Variants in RABGAP1 observed in about 807,000 individuals in gnomAD.
RABGAP1 encodes the protein rab GTPase-activating protein 1.
A neutral mutation model predicts 137.6 loss-of-function variants in RABGAP1; 23 were observed. The observed-to-expected ratio is 0.17, with a 90% CI of 0.12 to 0.24. RABGAP1 has a LOEUF of 0.24. Ranked by LOEUF, RABGAP1 falls within the 10% of genes least tolerant of loss-of-function variation. The probability of loss-of-function intolerance (pLI) is 1.00; values close to 1 mark genes in which losing one functional copy is unlikely to be tolerated. For synonymous variants in RABGAP1, 451 were observed against 450.7 expected, an observed-to-expected ratio of 1.00 and a Z score of -0.01; for missense variants, 906 against 1,275.8, an observed-to-expected ratio of 0.71 and a Z score of 4.42.
intron 1 of RABGAP1, among the ~76,000 whole-genome samples, chr9:122,950,907 T>C (rs530895339): frequency 6.6e-6 from 1 of 152,124 alleles, no homozygotes; most frequent in African/African-American, 2.4e-5. Context: ...TAAGAAAAGA[T>C]AGTGGTAGGA....
chr9:123,104,074 T>G lies in RABGAP1; in HGVS notation c.*861T>G, dbSNP rs1247497298. The stretch of plus-strand genomic sequence containing the variant: ...AAATTCCAGACTAGGACTGCTGATC[T>G]GCACAATTTAATTATGTGGTTATTC... On this transcript the variant is annotated 3_prime_UTR_variant, in exon 26 of 26. Coordinates refer to ENST00000373647, the MANE Select transcript of RABGAP1 (RefSeq NM_012197.4). 1.3e-5 allele frequency: 2 copies of G among 152,382 alleles called. No homozygotes were observed. The highest frequency in any genetic ancestry group is 4.8e-5 in the African/African-American group (2 of 41,332). 9.4% of individuals were successfully genotyped at this position (152,382 alleles called of 1,614,324 possible). A position where few individuals can be genotyped will look rare whatever the true frequency, so the allele number is the denominator to read the frequency against.
intron 10 of RABGAP1, among the ~76,000 whole-genome samples, chr9:123,003,865 C>T (rs574857289): frequency 6.6e-6 from 1 of 152,236 alleles, no homozygotes; most frequent in Non-Finnish European, 1.5e-5. Context: ...ATTCTTATAA[C>T]TATAGAATAA....
rs1588216454 is a variant in RABGAP1, at chr9:122,986,170, T to C, written c.386-45T>C. 3 of 1,554,462 alleles carry C rather than the reference T, an allele frequency of 1.9e-6. No individual in the cohort carries two copies. In the East Asian group the frequency reaches 6.8e-5, roughly 35 times the overall value. On this transcript the variant is annotated intron_variant, in intron 3 of 25. Transcript: ENST00000373647. ...TTACTTGCTAATCGTATCAACAAAATATCAAAGTGAAAGTAATCACTTCCT... is the reference window on the plus strand; with the variant it reads ...TTACTTGCTAATCGTATCAACAAAACATCAAAGTGAAAGTAATCACTTCCT...
chr9:122,970,074 A>ATTT (rs34261698), intron 2 of RABGAP1, among the ~76,000 whole-genome samples: 5 of 143,464 alleles, frequency 3.5e-5, no homozygotes, highest in Non-Finnish European at 4.5e-5. Flanking sequence ...TATCCGGCTA[A>ATTT]TTTTTTTTTT....
chr9:123,099,819 C>T (rs529098086), intron 24 of RABGAP1, among the ~76,000 whole-genome samples: 4 of 152,266 alleles, frequency 2.6e-5, no homozygotes, highest in Middle Eastern at 3.4e-3. Context: ...AGTCGATGTC[C>T]GCAGTGTGAT....
rs557529947 is a variant in RABGAP1 at position 123,045,191 on chromosome 9, A to G, written c.1795-20157A>G. 3.3e-5 allele frequency among the ~76,000 whole-genome samples: 5 copies of G among 152,364 alleles called. No homozygotes were observed. The South Asian group carries it at 6.2e-4, about 19-fold the overall frequency. On this transcript the variant is annotated intron_variant, in intron 13 of 25. Transcript: ENST00000373647. ...CTTACTGAGTTGAATTGTTAAGGCA[A>G]TATTTTGGGGAGAAAGACAAAAGTT...
intron 13 of RABGAP1, among the ~76,000 whole-genome samples, chr9:123,047,724 G>A (rs572592360): frequency 6.6e-6 from 1 of 151,954 alleles, no homozygotes; most frequent in Admixed American, 6.6e-5. Flanking sequence ...TAAAATAAAG[G>A]TTGAAACCTC....
intron 20 of RABGAP1, 27 bp from the exon 21 acceptor site, chr9:123,090,248 T>C (rs757472326): frequency 6.5e-7 from 1 of 1,548,328 alleles, no homozygotes; most frequent in South Asian, 1.2e-5. Context: ...TTTATGTGTC[T>C]GTAACTGGTT....
rs148659507 is a variant in RABGAP1 at position 122,984,637 on chromosome 9, C to G, written c.303C>G (p.Ser101=). 6.2e-7 allele frequency: 1 copy of G among 1,614,144 alleles called. No individual in the cohort carries two copies. The highest frequency in any genetic ancestry group is 1.1e-5 in the South Asian group (1 of 91,082). ...ATGGGCCTCTTTCTAATCAGCTCTC[C>G]GCTTCATCCACCATTAACCCTGTGC... ...EGDGPLSNQL[S]ASSTINPVPL... is the part of the protein sequence containing the mutation. Residue 101 remains serine, a synonymous_variant, in exon 3 of 26, where the codon TCC becomes TCG. Coordinates refer to ENST00000373647, the MANE Select transcript of RABGAP1 (RefSeq NM_012197.4).
chr9:123,027,536 T>C (rs1235697416), intron 13 of RABGAP1, among the ~76,000 whole-genome samples: 3 of 152,264 alleles, frequency 2.0e-5, no homozygotes, highest in Non-Finnish European at 4.4e-5. Context: ...TTTTGCTTTT[T>C]AATTAACAAC....
chr9:122,984,400 G>A (rs954656880), intron 2 of RABGAP1, 85 bp from the exon 3 acceptor site: 1 of 1,090,590 alleles, frequency 9.2e-7, no homozygotes, highest in Non-Finnish European at 1.3e-6. Context: ...AAATGCTAAT[G>A]ATTTTCTTTA....
rs550013739 is a variant in RABGAP1 at position 123,080,775 on chromosome 9, A to T, written c.2424+4013A>T. On this transcript the variant is annotated intron_variant, in intron 19 of 25. Coordinates refer to ENST00000373647, the MANE Select transcript of RABGAP1 (RefSeq NM_012197.4). ...TGAACTTTTTCATGTGGAATTTACAAAGGTAACTTTTGCTCTGCAACTCAC... is the reference window on the plus strand; with the variant it reads ...TGAACTTTTTCATGTGGAATTTACATAGGTAACTTTTGCTCTGCAACTCAC... 3.9e-5 allele frequency among the ~76,000 whole-genome samples: 6 copies of T among 152,278 alleles called. No individual in the cohort carries two copies. In the East Asian group the frequency reaches 1.2e-3, roughly 29 times the overall value.
intron 2 of RABGAP1, among the ~76,000 whole-genome samples, chr9:122,967,741 A>G (rs1835245682): frequency 6.6e-6 from 1 of 151,874 alleles, no homozygotes; most frequent in South Asian, 2.1e-4. Flanking sequence ...TTTTTCCTGA[A>G]AAAAATTTTT....
At chr9:123,060,948 A>G (rs551087773) in intron 13 of RABGAP1, among the ~76,000 whole-genome samples, 13 of 152,362 alleles carry the variant, frequency 8.5e-5, no homozygotes, top group African/African-American at 3.1e-4. Flanking sequence ...AAGCATGTAT[A>G]AAATTAATAA....
chr9:123,093,695 C>CT (rs1324068298), intron 21 of RABGAP1, among the ~76,000 whole-genome samples: 26 of 152,256 alleles, frequency 1.7e-4, no homozygotes, highest in African/African-American at 6.3e-4. Context: ...CAATACCACA[C>CT]TGTCTTGCTT....
At chr9:123,052,157 C>G (rs1166653171) in intron 13 of RABGAP1, among the ~76,000 whole-genome samples, 1 of 152,110 alleles carries the variant, frequency 6.6e-6, no homozygotes, top group Non-Finnish European at 1.5e-5. Context: ...CAACTCAATA[C>G]TGATAAGAGA....
chr9:122,962,743 A>C (rs1255119201), intron 2 of RABGAP1, among the ~76,000 whole-genome samples: 2 of 152,148 alleles, frequency 1.3e-5, no homozygotes, highest in Non-Finnish European at 2.9e-5. Context: ...ATCAATAATA[A>C]TACTAAATGT....
At chr9:122,936,979 T>C (rs564078388), upstream of RABGAP1, among the ~76,000 whole-genome samples, 1 of 152,118 alleles carries the variant, frequency 6.6e-6, no homozygotes, top group Non-Finnish European at 1.5e-5. Context: ...GGCAGGAGAA[T>C]CTTATTTTCA....
rs376549283 is a variant in RABGAP1, at chr9:123,063,898, G to A, written c.1795-1450G>A. ...ATTTTGATGAAGTGTCCAGCTTGTCGTTTATTTATAATTCATATCTCATAG... is the reference window on the plus strand; with the variant it reads ...ATTTTGATGAAGTGTCCAGCTTGTCATTTATTTATAATTCATATCTCATAG... On this transcript the variant is annotated intron_variant, in intron 13 of 25. Coordinates refer to ENST00000373647, the MANE Select transcript of RABGAP1 (RefSeq NM_012197.4). 7.9e-5 allele frequency among the ~76,000 whole-genome samples: 12 copies of A among 152,168 alleles called. No individual in the cohort carries two copies. In the East Asian group the frequency reaches 9.6e-4, roughly 12 times the overall value.
Sources: gnomAD v4.1 joint callset for allele counts (sites outside exome capture counted in the v4.1 genomes callset) on GRCh38, gnomAD v4.1.1 for gene constraint, MANE v1.5 for transcripts, NCBI Gene and HGNC (gene_info 2026-07-23, HGNC 2026-07-21) for gene names.